Variants in WDR72 observed in about 807,000 individuals in gnomAD.
The protein encoded by WDR72 is WD repeat-containing protein 72.
In WDR72, 120 loss-of-function variants were observed where a neutral mutation model predicts 124.2. That is an observed-to-expected ratio of 0.97 (90% CI 0.83 to 1.12). The LOEUF (loss-of-function observed/expected upper bound fraction) is 1.12. Ranked by LOEUF, WDR72 falls within the 50% of genes most tolerant of loss-of-function variation. The pLI is 0.00. For missense variants in WDR72, 1,387 were observed against 1,278.8 expected (o/e 1.08, Z -1.29); for synonymous variants, 452 against 441.7 (o/e 1.02, Z -0.29).
intron 10 of WDR72, 142 bp from the exon 11 acceptor site, chr15:53,705,375 T>C (rs2017321395): frequency 4.0e-6 from 3 of 755,532 alleles, no homozygotes; most frequent in Non-Finnish European, 4.4e-6. Flanking sequence ...ATTCATCTCT[T>C]GGGAAGTTCA....
At chr15:53,619,166 T>C (rs1018476437) in intron 14 of WDR72, among the ~76,000 whole-genome samples, 1 of 152,080 alleles carries the variant, frequency 6.6e-6, no homozygotes, top group Admixed American at 6.6e-5. Context: ...CTACTTATTA[T>C]ACTTTGCATC....
At chr15:53,555,060 T>C (rs1265330709) in intron 18 of WDR72, among the ~76,000 whole-genome samples, 1 of 152,050 alleles carries the variant, frequency 6.6e-6, no homozygotes, top group Non-Finnish European at 1.5e-5. Flanking sequence ...GCTATTGGTA[T>C]CTTCATTTTG....
At chr15:53,638,409 C>T (rs556035514) in intron 14 of WDR72, among the ~76,000 whole-genome samples, 4 of 152,184 alleles carry the variant, frequency 2.6e-5, no homozygotes, top group South Asian at 4.2e-4. Flanking sequence ...AATAGAAAAA[C>T]GACACAAGAA....
intron 13 of WDR72, among the ~76,000 whole-genome samples, chr15:53,675,387 C>A (rs1336217819): frequency 1.3e-5 from 2 of 151,568 alleles, no homozygotes; most frequent in Non-Finnish European, 2.9e-5. Flanking sequence ...TAATTTTTAA[C>A]CTCACTCTAA....
chr15:53,703,771 C>G (rs2017256896), intron 11 of WDR72, among the ~76,000 whole-genome samples: 1 of 152,092 alleles, frequency 6.6e-6, no homozygotes, highest in African/African-American at 2.4e-5. Context: ...ACCACAAACT[C>G]TCTTTATTCA....
intron 1 of WDR72, among the ~76,000 whole-genome samples, chr15:53,754,810 C>T (rs1367408106): frequency 6.6e-6 from 1 of 152,148 alleles, no homozygotes; most frequent in Non-Finnish European, 1.5e-5. Context: ...GCTTGCAGCA[C>T]AAATTCAATT....
intron 13 of WDR72, among the ~76,000 whole-genome samples, chr15:53,688,416 A>T (rs1052854745): frequency 4.9e-4 from 74 of 149,890 alleles, no homozygotes; most frequent in Middle Eastern, 3.5e-3. Context: ...TTATACACCA[A>T]CAACAGACAA....
At chr15:53,638,398 G>A (rs1161392229) in intron 14 of WDR72, among the ~76,000 whole-genome samples, 1 of 151,876 alleles carries the variant, frequency 6.6e-6, no homozygotes, top group Non-Finnish European at 1.5e-5. Flanking sequence ...GGCTACCCTG[G>A]AATAGAAAAA....
intron 18 of WDR72, among the ~76,000 whole-genome samples, chr15:53,566,957 T>C (rs572738051): frequency 2.0e-5 from 3 of 152,058 alleles, no homozygotes; most frequent in East Asian, 2.0e-4. Context: ...AGAGTCTTGA[T>C]ACATTTCTTT....
At chr15:53,533,114 T>A (rs988409224) in intron 18 of WDR72, among the ~76,000 whole-genome samples, 4 of 151,998 alleles carry the variant, frequency 2.6e-5, no homozygotes, top group African/African-American at 4.8e-5. Context: ...AGTAAGCCCA[T>A]GAGGACTCCA....
chr15:53,701,443 A>C (rs1055967033), intron 12 of WDR72, among the ~76,000 whole-genome samples: 1 of 151,926 alleles, frequency 6.6e-6, no homozygotes, highest in African/African-American at 2.4e-5. Flanking sequence ...TGGGAGGCTG[A>C]GGCAGGAGGA....
In WDR72 at chr15:53,615,571, G is replaced by A. The variant is rs2013722306; in HGVS notation, c.2635C>T (p.Pro879Ser). The A allele has an allele frequency of 6.2e-7, 1 of 1,613,016 alleles. No individual in the cohort carries two copies. Among genetic ancestry groups the A allele is most frequent in the Non-Finnish European group, 8.5e-7 (1 of 1,179,474 alleles). ...DLSDKYTATL[P>S]NQVGIPRGLE... ...CCTCTTGGAATTCCAACCTGATTTG[G>A]AAGAGTGGCTGTGTATTTATCTGAC... Residue 879 changes from proline (P) to serine (S), a missense_variant, in exon 15 of 20, where the codon CCA becomes TCA. Transcript: ENST00000360509.
At chr15:53,727,867 A>G (rs961418640) in intron 2 of WDR72, among the ~76,000 whole-genome samples, 1 of 152,206 alleles carries the variant, frequency 6.6e-6, no homozygotes, top group Non-Finnish European at 1.5e-5. Context: ...GTGAAGAATA[A>G]CAAAATTCAA....
chr15:53,642,906 C>T (rs2014905855), intron 14 of WDR72, among the ~76,000 whole-genome samples: 1 of 151,940 alleles, frequency 6.6e-6, no homozygotes, highest in Admixed American at 6.6e-5. Flanking sequence ...CCATTGGGAT[C>T]CAACTTATTC....
At chr15:53,706,211 T>C (rs2017350726) in intron 9 of WDR72, 137 bp from the exon 10 acceptor site, 3 of 1,063,772 alleles carry the variant, frequency 2.8e-6, no homozygotes, top group South Asian at 3.0e-5. Flanking sequence ...CATTTTCAAG[T>C]AAATTAAATG....
intron 18 of WDR72, among the ~76,000 whole-genome samples, chr15:53,532,862 T>C (rs1440164553): frequency 1.3e-5 from 2 of 152,102 alleles, no homozygotes; most frequent in African/African-American, 2.4e-5. Flanking sequence ...TATACATGTA[T>C]ACGTACGTCA....
intron 18 of WDR72, among the ~76,000 whole-genome samples, chr15:53,528,549 T>A (rs1013229051): frequency 6.6e-6 from 1 of 152,060 alleles, no homozygotes; most frequent in Non-Finnish European, 1.5e-5. Flanking sequence ...CTAGAATGAA[T>A]CGCTTTAAAG....
rs74017443 is a variant in WDR72 at position 53,560,246 on chromosome 15, T to C, written c.3148+36833A>G. Among the ~76,000 whole-genome samples the C allele has an allele frequency of 8.2e-3, 1,249 of 152,006 alleles. 14 individuals are homozygous for C. Among genetic ancestry groups the C allele is most frequent in the African/African-American group, 0.029 (1,214 of 41,514 alleles). ...TCTGACCAGAGATGAACAGCTACTT[T>C]ATTATGGCCCAGATTGAGGTTGTGC... is the stretch of plus-strand genomic sequence containing the variant. On this transcript the variant is annotated intron_variant, in intron 18 of 19. Coordinates refer to ENST00000360509, the MANE Select transcript of WDR72 (RefSeq NM_182758.4).
chr15:53,689,969 A>C (rs1328778148), intron 13 of WDR72, among the ~76,000 whole-genome samples: 1 of 150,314 alleles, frequency 6.7e-6, no homozygotes, highest in African/African-American at 2.5e-5. Flanking sequence ...CGCAAGAACA[A>C]AAAACCAAAC....
Sources: gnomAD v4.1 joint callset for allele counts (sites outside exome capture counted in the v4.1 genomes callset) on GRCh38, gnomAD v4.1.1 for gene constraint, MANE v1.5 for transcripts, NCBI Gene and HGNC (gene_info 2026-07-23, HGNC 2026-07-21) for gene names.